PLCB1: variants seen among roughly 807,000 people sequenced by gnomAD.
The protein encoded by PLCB1 is phospholipase C beta 1, also known as 1-phosphatidylinositol 4,5-bisphosphate phosphodiesterase beta-1.
PLCB1 carries 46 observed loss-of-function variants against 161.8 expected under a neutral mutation model. The observed-to-expected ratio is 0.28, with a 90% CI of 0.22 to 0.36. PLCB1 has a LOEUF of 0.36. Among genes scored for constraint, PLCB1 ranks in the 10% least tolerant of loss-of-function variants. The probability of loss-of-function intolerance (pLI) is 1.00; values close to 1 mark genes in which losing one functional copy is unlikely to be tolerated. For synonymous variants in PLCB1, 517 were observed against 503.7 expected, an observed-to-expected ratio of 1.03 and a Z score of -0.35; for missense variants, 1,016 against 1,472.5, an observed-to-expected ratio of 0.69 and a Z score of 5.07.
chr20:8,220,826 C>G (rs1462927892), intron 2 of PLCB1, among the ~76,000 whole-genome samples: 1 of 152,172 alleles, frequency 6.6e-6, no homozygotes, highest in Non-Finnish European at 1.5e-5. Flanking sequence ...ATTTTTTCCT[C>G]TTCTGAAGAA....
chr20:8,342,735 T>A (rs1985855283), intron 2 of PLCB1, among the ~76,000 whole-genome samples: 1 of 152,184 alleles, frequency 6.6e-6, no homozygotes, highest in African/African-American at 2.4e-5. Flanking sequence ...CACGGCACCC[T>A]TGTCTGCTGC....
chr20:8,190,320 T>C (rs1406246168), intron 2 of PLCB1, among the ~76,000 whole-genome samples: 5 of 152,142 alleles, frequency 3.3e-5, no homozygotes, highest in African/African-American at 1.2e-4. Context: ...AATATCTCTT[T>C]TTGTACTTGC....
intron 3 of PLCB1, among the ~76,000 whole-genome samples, chr20:8,546,369 C>A (rs1274608476): frequency 6.6e-6 from 1 of 150,572 alleles, no homozygotes; most frequent in Non-Finnish European, 1.5e-5. Context: ...ATTTCCTGGT[C>A]CAGTGATCAT....
At chr20:8,763,424 C>A (rs1982148885) in intron 25 of PLCB1, among the ~76,000 whole-genome samples, 1 of 151,830 alleles carries the variant, frequency 6.6e-6, no homozygotes. Flanking sequence ...CTAACTCTGC[C>A]ACCCAGGCTG....
At chr20:8,135,416 A>G (rs1197581783) in intron 1 of PLCB1, among the ~76,000 whole-genome samples, 1 of 152,196 alleles carries the variant, frequency 6.6e-6, no homozygotes, top group Non-Finnish European at 1.5e-5. Flanking sequence ...TTGCAGTGCC[A>G]TGCATAATTT....
At chr20:8,754,780 C>G (rs958578594) in intron 23 of PLCB1, among the ~76,000 whole-genome samples, 3 of 152,084 alleles carry the variant, frequency 2.0e-5, no homozygotes, top group African/African-American at 7.2e-5. Context: ...AGTAAGAAAC[C>G]CATTGTTTCA....
At chr20:8,788,606 T>G in intron 28 of PLCB1, 27 bp from the exon 29 acceptor site, 1 of 1,596,382 alleles carries the variant, frequency 6.3e-7, no homozygotes, top group Non-Finnish European at 8.6e-7. Context: ...GCCTCTTTTT[T>G]CTCTTTTACT....
intron 3 of PLCB1, among the ~76,000 whole-genome samples, chr20:8,603,910 G>A (rs926222111): frequency 2.0e-5 from 3 of 152,112 alleles, no homozygotes; most frequent in African/African-American, 7.2e-5. Context: ...GGTGGTGGTT[G>A]CACAACCTTG....
At chr20:8,209,131 G>C (rs963769615) in intron 2 of PLCB1, among the ~76,000 whole-genome samples, 1 of 152,086 alleles carries the variant, frequency 6.6e-6, no homozygotes, top group Non-Finnish European at 1.5e-5. Flanking sequence ...AGGGGTGGCC[G>C]TCCTGACCAC....
chr20:8,154,083 T>G (rs77267212), intron 2 of PLCB1, among the ~76,000 whole-genome samples: 1 of 152,214 alleles, frequency 6.6e-6, no homozygotes, highest in South Asian at 2.1e-4. Flanking sequence ...AATTTGTGCA[T>G]GTGTAACTAT....
intron 1 of PLCB1, among the ~76,000 whole-genome samples, chr20:8,146,377 G>A (rs1283658726): frequency 2.0e-5 from 3 of 152,120 alleles, no homozygotes; most frequent in Admixed American, 6.6e-5. Context: ...CTGTAAAATG[G>A]GAATAATAAT....
chr20:8,443,411 A>T (rs2122619931), intron 3 of PLCB1, among the ~76,000 whole-genome samples: 1 of 152,312 alleles, frequency 6.6e-6, no homozygotes, highest in African/African-American at 2.4e-5. Context: ...GCTTTTTATA[A>T]GGTAATGGAA....
chr20:8,836,593 G>A (rs182372143), intron 31 of PLCB1, among the ~76,000 whole-genome samples: 11 of 132,150 alleles, frequency 8.3e-5, no homozygotes, highest in African/African-American at 2.8e-4. Context: ...TAATAACTCT[G>A]TTTCCATTAA....
At chr20:8,429,103 T>G (rs1186928527) in intron 3 of PLCB1, among the ~76,000 whole-genome samples, 1 of 152,182 alleles carries the variant, frequency 6.6e-6, no homozygotes. Context: ...TACTTGCTTG[T>G]ATCTTACCCT....
At chr20:8,595,289 C>T (rs113377284) in intron 3 of PLCB1, among the ~76,000 whole-genome samples, 6,561 of 141,860 alleles carry the variant, frequency 0.046, 303 homozygotes, top group African/African-American at 0.12. Context: ...TGTGATATTC[C>T]GCTTCCTGTG....
At chr20:8,134,016 A>G (rs758314477) in intron 1 of PLCB1, among the ~76,000 whole-genome samples, 3 of 152,342 alleles carry the variant, frequency 2.0e-5, no homozygotes, top group Non-Finnish European at 4.4e-5. Context: ...CGCAAACGGA[A>G]CTTGGAGTAT....
At chr20:8,851,371 A>G (rs1986878945) in intron 31 of PLCB1, among the ~76,000 whole-genome samples, 1 of 152,204 alleles carries the variant, frequency 6.6e-6, no homozygotes, top group Non-Finnish European at 1.5e-5. Context: ...AATTTATGAT[A>G]TATGTGTTTG....
chr20:8,784,261 G>A (rs1983373768), intron 27 of PLCB1, among the ~76,000 whole-genome samples: 1 of 151,986 alleles, frequency 6.6e-6, no homozygotes, highest in African/African-American at 2.4e-5. Context: ...AGGAGTGAGG[G>A]TCTTCTGAAA....
intron 3 of PLCB1, among the ~76,000 whole-genome samples, chr20:8,424,358 GTATT>G (rs1979658679): frequency 1.3e-5 from 2 of 152,282 alleles, no homozygotes; most frequent in Middle Eastern, 3.4e-3. Flanking sequence ...AGGCAACAGG[GTATT>G]TGTTTGGTTA....
Sources: gnomAD v4.1 joint callset for allele counts (sites outside exome capture counted in the v4.1 genomes callset) on GRCh38, gnomAD v4.1.1 for gene constraint, MANE v1.5 for transcripts, NCBI Gene and HGNC (gene_info 2026-07-23, HGNC 2026-07-21) for gene names.